Variants in OR1L6 observed in about 807,000 individuals in gnomAD.
OR1L6 encodes the protein olfactory receptor 1L6.
A neutral mutation model predicts 3.0 loss-of-function variants in OR1L6; 2 were observed. The ratio of observed to expected loss-of-function variants is 0.68; its 90% CI spans 0.28 to 2.13. The LOEUF is 2.13. OR1L6 is among the 30% of genes most tolerant of loss of function. The probability of loss-of-function intolerance (pLI) is 0.14; values close to 1 mark genes in which losing one functional copy is unlikely to be tolerated. For missense variants in OR1L6, 304 were observed against 378.4 expected, an observed-to-expected ratio of 0.80 and a Z score of 1.63; for synonymous variants, 121 against 148.4, an observed-to-expected ratio of 0.82 and a Z score of 1.34.
intron 1 of OR1L6, among the ~76,000 whole-genome samples, chr9:122,743,065 C>T (rs867204265): frequency 1.3e-5 from 2 of 152,222 alleles, no homozygotes; most frequent in Non-Finnish European, 2.9e-5. Context: ...TGAGAATCCA[C>T]AGCCCCTTCC....
rs780407413 is a variant in OR1L6, at chr9:122,749,976, T to C, written c.129T>C (p.Asn43=). The change falls in exon 2 of 2, where the codon AAT becomes AAC. Residue 43 remains asparagine (N), a synonymous_variant. Coordinates refer to ENST00000304720, the MANE Select transcript of OR1L6 (RefSeq NM_001004453.3). ...LIMYLLAAVG[N]VLIIPAIYSD... is the part of the protein sequence containing the mutation. ...TGTACCTGCTCGCTGCGGTGGGGAA[T>C]GTGCTCATCATCCCGGCCATCTACT... 14 of 1,614,154 alleles carry C rather than the reference T, an allele frequency of 8.7e-6. No individual in the cohort carries two copies. Among genetic ancestry groups the C allele is most frequent in the South Asian group, 2.2e-5 (2 of 91,068 alleles).
intron 1 of OR1L6, among the ~76,000 whole-genome samples, chr9:122,749,239 C>A (rs754461617): frequency 5.3e-5 from 8 of 152,238 alleles, no homozygotes; most frequent in Non-Finnish European, 1.2e-4. Context: ...GCTATTCTGG[C>A]TCTTTGGGTT....
chr9:122,744,560 T>C (rs1424640870), intron 1 of OR1L6, among the ~76,000 whole-genome samples: 3 of 152,238 alleles, frequency 2.0e-5, no homozygotes, highest in Non-Finnish European at 2.9e-5. Context: ...ATTTCCTGTC[T>C]GTCAAGGAAG....
chr9:122,748,559 A>C (rs192097655), intron 1 of OR1L6, among the ~76,000 whole-genome samples: 31 of 152,306 alleles, frequency 2.0e-4, no homozygotes, highest in Admixed American at 5.9e-4. Flanking sequence ...TATGGGGTGC[A>C]AGTACAGTTT....
At chr9:122,749,146 T>G (rs993490611) in intron 1 of OR1L6, among the ~76,000 whole-genome samples, 3 of 152,256 alleles carry the variant, frequency 2.0e-5, no homozygotes, top group Non-Finnish European at 4.4e-5. Context: ...CATGCTATTT[T>G]GGCTGCTATA....
chr9:122,747,728 G>A (rs968340681), intron 1 of OR1L6, among the ~76,000 whole-genome samples: 2 of 151,416 alleles, frequency 1.3e-5, no homozygotes, highest in African/African-American at 4.8e-5. Flanking sequence ...ATTAATATTT[G>A]TATATTTAAT....
At chr9:122,744,387 T>C (rs1828815239) in intron 1 of OR1L6, among the ~76,000 whole-genome samples, 1 of 152,086 alleles carries the variant, frequency 6.6e-6, no homozygotes, top group Admixed American at 6.5e-5. Flanking sequence ...ACTCCCTGGT[T>C]TCATTTGGGC....
chr9:122,744,790 T>C (rs556869839), intron 1 of OR1L6, among the ~76,000 whole-genome samples: 1 of 152,260 alleles, frequency 6.6e-6, no homozygotes, highest in East Asian at 1.9e-4. Flanking sequence ...GGGTAGAAAG[T>C]GGCACACACA....
intron 1 of OR1L6, among the ~76,000 whole-genome samples, chr9:122,746,433 G>C (rs1052209354): frequency 2.0e-5 from 3 of 152,076 alleles, no homozygotes; most frequent in Admixed American, 2.0e-4. Context: ...ACTGCATGAC[G>C]TTGAGTAATA....
At chr9:122,748,855 G>A (rs1828861353) in intron 1 of OR1L6, among the ~76,000 whole-genome samples, 1 of 152,206 alleles carries the variant, frequency 6.6e-6, no homozygotes, top group Non-Finnish European at 1.5e-5. Flanking sequence ...GTTTCACTCA[G>A]AATAATGACC....
chr9:122,749,768 T>C (rs1371059680), intron 1 of OR1L6, 67 bp from the exon 2 acceptor site: 9 of 1,401,856 alleles, frequency 6.4e-6, no homozygotes, highest in African/African-American at 1.4e-5. Context: ...CTTAAGCTTA[T>C]GAAAGAAGCT....
intron 1 of OR1L6, among the ~76,000 whole-genome samples, chr9:122,749,006 C>T (rs1828863158): frequency 6.6e-6 from 1 of 152,078 alleles, no homozygotes; most frequent in African/African-American, 2.4e-5. Context: ...TTGATGGACA[C>T]TTAGGTTGAT....
At chr9:122,744,313 A>G (rs1430134112) in intron 1 of OR1L6, among the ~76,000 whole-genome samples, 1 of 151,446 alleles carries the variant, frequency 6.6e-6, no homozygotes. Context: ...GACAATGTGT[A>G]CTCCCCGGTT....
intron 1 of OR1L6, among the ~76,000 whole-genome samples, chr9:122,748,784 T>C (rs1828860898): frequency 6.6e-6 from 1 of 152,196 alleles, no homozygotes; most frequent in Non-Finnish European, 1.5e-5. Flanking sequence ...GAACATGTGA[T>C]ATTAGTGTTT....
intron 1 of OR1L6, among the ~76,000 whole-genome samples, chr9:122,745,220 C>T (rs4836908): frequency 0.99 from 150,841 of 152,264 alleles, 74,736 homozygotes; most frequent in Middle Eastern, 1. Flanking sequence ...TATGTATATA[C>T]AGACAAAAAA....
At position 122,750,149 on chromosome 9, in the gene OR1L6, A is replaced by C. The variant is rs1485394246; in HGVS notation, c.302A>C (p.Gln101Pro). Residue 101 changes from glutamine to proline, a missense_variant, in exon 2 of 2, where the codon CAG (glutamine) becomes CCG (proline). This residue lies in a region of OR1L6 where 192 missense variants were observed against 242.7 expected (regional missense o/e 0.79). Coordinates refer to ENST00000304720, the MANE Select transcript of OR1L6 (RefSeq NM_001004453.3). ...ATCTCCTATGTGGGCTGCCTGGCCC[A>C]GATGTACTTCTTTATGGCATTTGGG... is the stretch of plus-strand genomic sequence containing the variant. ...KVISYVGCLA[Q>P]MYFFMAFGNT... 1.2e-6 allele frequency: 2 copies of C among 1,613,248 alleles called. No individual in the cohort carries two copies. The highest frequency in any genetic ancestry group is 3.3e-5 in the Admixed American group (2 of 59,934).
chr9:122,747,780 T>A (rs946564334), intron 1 of OR1L6, among the ~76,000 whole-genome samples: 20 of 152,178 alleles, frequency 1.3e-4, no homozygotes, highest in Non-Finnish European at 2.9e-4. Flanking sequence ...GATTTTAAAT[T>A]TTTTCAGATG....
chr9:122,748,476 C>T (rs1177959236), intron 1 of OR1L6, among the ~76,000 whole-genome samples: 1 of 151,884 alleles, frequency 6.6e-6, no homozygotes, highest in Non-Finnish European at 1.5e-5. Flanking sequence ...ATGAGAAGAA[C>T]TCAGGCAAAT....
rs1464776929 is a variant in OR1L6, at chr9:122,750,635, C to T, written c.788C>T (p.Pro263Leu). Reference protein sequence around the residue: ...YGSIIYVYFRPLSMYSVVRDR... With the variant: ...YGSIIYVYFRLLSMYSVVRDR... ...AGTATTATTTATGTCTATTTTAGGCCCCTGTCCATGTACTCAGTGGTTAGG... is the reference window on the plus strand; with the variant it reads ...AGTATTATTTATGTCTATTTTAGGCTCCTGTCCATGTACTCAGTGGTTAGG... The change falls in exon 2 of 2, where the codon CCC (proline) becomes CTC (leucine). Residue 263 changes from proline to leucine, a missense_variant. Coordinates refer to ENST00000304720, the MANE Select transcript of OR1L6 (RefSeq NM_001004453.3). 1.9e-6 allele frequency: 3 copies of T among 1,613,990 alleles called. No individual in the cohort carries two copies. Among genetic ancestry groups the T allele is most frequent in the African/African-American group, 1.3e-5 (1 of 74,878 alleles).
Sources: allele counts gnomAD v4.1 joint callset (sites outside exome capture counted in the v4.1 genomes callset), GRCh38; gene constraint gnomAD v4.1.1; regional missense constraint gnomAD v4.1.1; transcripts MANE v1.5; gene names NCBI Gene and HGNC (gene_info 2026-07-23, HGNC 2026-07-21).